ZFYVE1: variants seen among roughly 807,000 people sequenced by gnomAD.
The protein encoded by ZFYVE1 is zinc finger FYVE domain-containing protein 1.
Under a neutral mutation model 74.4 loss-of-function variants are expected in ZFYVE1, and 30 were observed. The ratio of observed to expected loss-of-function variants is 0.40; its 90% CI spans 0.30 to 0.55. The LOEUF is 0.55. Among genes scored for constraint, ZFYVE1 ranks in the 20% least tolerant of loss-of-function variants. The pLI, the probability that ZFYVE1 is intolerant of heterozygous loss-of-function variation, is 0.42. For synonymous variants in ZFYVE1, 335 were observed against 385.1 expected, an observed-to-expected ratio of 0.87 and a Z score of 1.52; for missense variants, 703 against 1,011.6, an observed-to-expected ratio of 0.69 and a Z score of 4.14.
At chr14:72,983,663 C>T (rs1215431928) in intron 4 of ZFYVE1, among the ~76,000 whole-genome samples, 4 of 152,060 alleles carry the variant, frequency 2.6e-5, no homozygotes, top group African/African-American at 9.7e-5. Flanking sequence ...AATAAACATA[C>T]GTGTGCATGT....
intron 8 of ZFYVE1, 139 bp downstream of exon 8, chr14:72,977,788 C>T: frequency 1.2e-6 from 1 of 855,130 alleles, no homozygotes; most frequent in Non-Finnish European, 1.8e-6. Context: ...AAAAAGCTCT[C>T]CAGATCATGC....
At chr14:73,013,687 G>A (rs992706468) in intron 2 of ZFYVE1, among the ~76,000 whole-genome samples, 2 of 151,960 alleles carry the variant, frequency 1.3e-5, no homozygotes, top group Admixed American at 6.6e-5. Flanking sequence ...ACCTTCAAAA[G>A]CTCCTCTGCG....
At chr14:73,005,259 A>C (rs1264761711) in intron 2 of ZFYVE1, among the ~76,000 whole-genome samples, 1 of 152,152 alleles carries the variant, frequency 6.6e-6, no homozygotes, top group Non-Finnish European at 1.5e-5. Flanking sequence ...GAGAAAAATA[A>C]GAAGATTCCC....
At chr14:72,991,041 C>T (rs1023990118) in intron 4 of ZFYVE1, among the ~76,000 whole-genome samples, 4 of 152,054 alleles carry the variant, frequency 2.6e-5, no homozygotes, top group Non-Finnish European at 4.4e-5. Flanking sequence ...CTTGGTGACG[C>T]TTACCACCTC....
intron 2 of ZFYVE1, among the ~76,000 whole-genome samples, chr14:73,003,580 C>G (rs1893919077): frequency 6.6e-6 from 1 of 152,076 alleles, no homozygotes; most frequent in Non-Finnish European, 1.5e-5. Context: ...CGTAGTGGTT[C>G]ACGCCTATAG....
chr14:72,987,312 A>C (rs1774307096), intron 4 of ZFYVE1, among the ~76,000 whole-genome samples: 1 of 152,232 alleles, frequency 6.6e-6, no homozygotes, highest in Non-Finnish European at 1.5e-5. Flanking sequence ...ACTCCTGGTA[A>C]TCCCATCACT....
chr14:73,024,976 C>T (rs185054369), intron 1 of ZFYVE1, 34 bp from the exon 2 acceptor site: 9 of 152,868 alleles, frequency 5.9e-5, no homozygotes, highest in Admixed American at 5.2e-4. Context: ...TTTCACTCAT[C>T]TAAAAAACAG....
rs1410159038 is a variant in ZFYVE1, at chr14:73,024,721, A to G, written c.-213T>C. The stretch of plus-strand genomic sequence containing the variant: ...CCTCTAAGACTCTTGTATTAGCAGC[A>G]ACGTTGATTTGGTTTGATGGTTTCA... On this transcript the variant is annotated 5_prime_UTR_variant, in exon 2 of 12. Coordinates refer to ENST00000556143, the MANE Select transcript of ZFYVE1 (RefSeq NM_021260.4). The G allele has an allele frequency of 1.6e-6, 1 of 632,556 alleles. No homozygotes were observed. The highest frequency in any genetic ancestry group is 2.9e-5 in the South Asian group (1 of 34,942). The allele number at this position is 632,556 out of a possible 1,614,324, so 39.2% of individuals were successfully genotyped here.
intron 2 of ZFYVE1, among the ~76,000 whole-genome samples, chr14:72,999,612 G>A (rs1167710866): frequency 1.3e-5 from 2 of 151,946 alleles, no homozygotes; most frequent in East Asian, 3.9e-4. Flanking sequence ...TTACAGAATG[G>A]AAGAAAACAT....
intron 2 of ZFYVE1, among the ~76,000 whole-genome samples, chr14:73,014,022 A>G (rs779912615): frequency 2.0e-5 from 3 of 152,200 alleles, no homozygotes; most frequent in Non-Finnish European, 4.4e-5. Flanking sequence ...TATGTCTATT[A>G]TGTTAATCCT....
intron 5 of ZFYVE1, among the ~76,000 whole-genome samples, chr14:72,979,564 G>A (rs1210000352): frequency 1.3e-5 from 2 of 151,656 alleles, no homozygotes; most frequent in Non-Finnish European, 2.9e-5. Flanking sequence ...TGAGGCAGGA[G>A]AATCACTTGA....
chr14:72,983,751 G>A (rs1270331511), intron 4 of ZFYVE1, among the ~76,000 whole-genome samples: 1 of 152,118 alleles, frequency 6.6e-6, no homozygotes, highest in African/African-American at 2.4e-5. Context: ...GGTATTTCTA[G>A]TTCTAGATTC....
rs955000046 is a variant in ZFYVE1, at chr14:73,024,191, C to A, written c.318G>T (p.Arg106Ser). 6.2e-7 allele frequency: 1 copy of A among 1,614,156 alleles called. No homozygotes were observed. ...TCCTTTTGTTACCCCCAGAATGAGT[C>A]CTCTTCTGGCACTCCAGGCACAAGT... ...KINLCLECQK[R>S]THSGGNKRRH... Residue 106 changes from arginine to serine, a missense_variant, in exon 2 of 12, where the codon AGG (arginine) becomes AGT (serine). By Grantham distance (110) the Arg-to-Ser change is moderately radical. Transcript: ENST00000556143.
intron 2 of ZFYVE1, among the ~76,000 whole-genome samples, chr14:73,007,803 C>T (rs892074311): frequency 3.9e-5 from 6 of 152,210 alleles, no homozygotes; most frequent in Non-Finnish European, 5.9e-5. Context: ...AAATCTGTTT[C>T]CTCAACACAG....
intron 4 of ZFYVE1, among the ~76,000 whole-genome samples, chr14:72,990,518 T>C (rs1458411287): frequency 1.3e-5 from 2 of 151,538 alleles, no homozygotes; most frequent in African/African-American, 4.9e-5. Flanking sequence ...TGCCTCAGCC[T>C]CCTGAGTAGC....
chr14:73,023,281 TA>T, intron 2 of ZFYVE1, among the ~76,000 whole-genome samples: 1 of 121,044 alleles, frequency 8.3e-6, no homozygotes. Context: ...ATATATTATA[TA>T]TGTTTTATAT....
rs555502040 is a variant in ZFYVE1 at position 73,026,993 on chromosome 14, A to G, written c.-502T>C. The G allele has an allele frequency of 5.0e-6, 2 of 398,722 alleles. No homozygotes were observed. Among genetic ancestry groups the G allele is most frequent in the South Asian group, 1.3e-4 (1 of 7,850 alleles). The allele number at this position is 398,722 out of a possible 1,614,324, so 24.7% of individuals were successfully genotyped here. A position where few individuals can be genotyped will look rare whatever the true frequency, so the allele number is the denominator to read the frequency against. On this transcript the variant is annotated 5_prime_UTR_variant, in exon 1 of 12. Coordinates refer to ENST00000556143, the MANE Select transcript of ZFYVE1 (RefSeq NM_021260.4). ...CAGGGCGCCAGTGGGGGCAGAGGCT[A>G]TTCCTCAGGACACCGGCAGATCCAT... is the stretch of plus-strand genomic sequence containing the variant.
At chr14:72,997,288 C>T (rs118024131) in intron 3 of ZFYVE1, among the ~76,000 whole-genome samples, 1 of 152,172 alleles carries the variant, frequency 6.6e-6, no homozygotes, top group African/African-American at 2.4e-5. Flanking sequence ...CCACATCAGC[C>T]TCCAGCTACA....
chr14:73,017,900 T>A (rs1046915644), intron 2 of ZFYVE1, among the ~76,000 whole-genome samples: 5 of 152,066 alleles, frequency 3.3e-5, no homozygotes, highest in African/African-American at 1.2e-4. Flanking sequence ...CAGTCTGGTG[T>A]CTCCCATCAC....
Sources: gnomAD v4.1 joint callset for allele counts (sites outside exome capture counted in the v4.1 genomes callset) on GRCh38, gnomAD v4.1.1 for gene constraint, MANE v1.5 for transcripts, NCBI Gene and HGNC (gene_info 2026-07-23, HGNC 2026-07-21) for gene names.